The following GJC1 variants were observed in gnomAD, a reference collection of about 807,000 sequenced individuals.
GJC1 encodes gap junction protein gamma 1, also known as gap junction gamma-1 protein.
GJC1 carries 5 observed loss-of-function variants against 29.3 expected under a neutral mutation model. The ratio of observed to expected loss-of-function variants is 0.17; its 90% confidence interval spans 0.09 to 0.36. The LOEUF is 0.36. Ranked by LOEUF, GJC1 falls within the 10% of genes least tolerant of loss-of-function variation. The pLI, the probability that GJC1 is intolerant of heterozygous loss-of-function variation, is 1.00. For synonymous variants in GJC1, 177 were observed against 183.3 expected (o/e 0.97, Z 0.28); for missense variants, 310 against 496.2 (o/e 0.62, Z 3.56).
intron 1 of GJC1, among the ~76,000 whole-genome samples, chr17:44,818,341 T>G (rs73307255): frequency 0.13 from 20,270 of 152,186 alleles, 1,605 homozygotes; most frequent in South Asian, 0.23. Context: ...CAAGCTTTCT[T>G]GGTAGCTGGG....
At chr17:44,818,385 G>T (rs1409486444) in intron 1 of GJC1, among the ~76,000 whole-genome samples, 1 of 151,970 alleles carries the variant, frequency 6.6e-6, no homozygotes, top group Non-Finnish European at 1.5e-5. Context: ...TGACAAAAAT[G>T]ATTTATTTAT....
In GJC1 at chr17:44,806,405, T is replaced by G. The variant is rs201056768; in HGVS notation, c.-20-568A>C. ...CAGACCTTGGTTCTTCTGTTTGTTTTTTTTTTTTTTTTTTGAGACAGTTTC... is the reference window on the plus strand; with the variant it reads ...CAGACCTTGGTTCTTCTGTTTGTTTGTTTTTTTTTTTTTTGAGACAGTTTC... On this transcript the variant is annotated intron_variant, in intron 2 of 2. Transcript: ENST00000592524. Among the ~76,000 whole-genome samples the G allele has an allele frequency of 7.3e-4, 90 of 123,212 alleles. 1 individual carries two copies. Among genetic ancestry groups the G allele is most frequent in the Admixed American group, 1.7e-3 (22 of 12,978 alleles). The allele number at this position is 123,212 out of a possible 152,430, so 80.8% of individuals were successfully genotyped here. A position where few individuals can be genotyped will look rare whatever the true frequency, so the allele number is the denominator to read the frequency against.
Position 44,805,225 on chromosome 17 carries a change from A to G in GJC1, c.593T>C (p.Leu198Pro). The part of the protein sequence containing the change: ...EVGFLIGQYF[L>P]YGFQVHPFYV... ...AAACGGGTGGACTTGGAAGCCATAC[A>G]GAAAATACTGCCCTATCAGAAAACC... Residue 198 changes from leucine to proline, a missense_variant, in exon 3 of 3, where the codon CTG (leucine) becomes CCG (proline). Transcript: ENST00000592524. This position sits in a 1 kb window ranked among gnomAD's most constrained non-coding sequence, Gnocchi z 5.1. The G allele has an allele frequency of 6.2e-7, 1 of 1,614,210 alleles. No homozygotes were observed.
In GJC1 at chr17:44,828,136, G is replaced by C. The variant is rs138582334; in HGVS notation, c.-97+1926C>G. ...CACAACCCTGCATTCCTTCCCTTTG[G>C]CTGACTTATACAAATATAAGAATAA... On this transcript the variant is annotated intron_variant, in intron 1 of 2. Coordinates refer to ENST00000592524, the MANE Select transcript of GJC1 (RefSeq NM_005497.4). Among the ~76,000 whole-genome samples, 547 of 152,256 alleles carry C rather than the reference G, an allele frequency of 3.6e-3. 1 individual carries two copies. Among genetic ancestry groups the C allele is most frequent in the African/African-American group, 0.013 (532 of 41,548 alleles).
At chr17:44,827,271 T>C (rs565349636) in intron 1 of GJC1, among the ~76,000 whole-genome samples, 1 of 152,062 alleles carries the variant, frequency 6.6e-6, no homozygotes, top group South Asian at 2.1e-4. Flanking sequence ...GATAGCACCG[T>C]TGCAGTGAGA....
chr17:44,817,562 T>A (rs892216976), intron 1 of GJC1, among the ~76,000 whole-genome samples: 3 of 151,756 alleles, frequency 2.0e-5, no homozygotes, highest in African/African-American at 7.3e-5. Flanking sequence ...AATACAATAT[T>A]AGCCAGGCGT....
intron 1 of GJC1, among the ~76,000 whole-genome samples, chr17:44,817,216 C>G (rs2050053850): frequency 6.6e-6 from 1 of 151,590 alleles, no homozygotes; most frequent in African/African-American, 2.4e-5. Flanking sequence ...CAAAAAAAAC[C>G]CACAAAAAAC....
rs1406854145 is a variant in GJC1 at position 44,800,560 on chromosome 17, ACTGT to A, written c.*4063_*4066del. The A allele has an allele frequency of 1.3e-5, 2 of 152,216 alleles. No homozygotes were observed. Among genetic ancestry groups the A allele is most frequent in the African/African-American group, 4.8e-5 (2 of 41,462 alleles). The allele number at this position is 152,216 out of a possible 1,614,324, so 9.4% of individuals were successfully genotyped here. ...CTATCGATTTTATTTTCAGAAGTGG[ACTGT>A]CTCTTAAATGAGACAGCATAAAGTA... is the stretch of plus-strand genomic sequence containing the variant. On this transcript the variant is annotated 3_prime_UTR_variant, in exon 3 of 3. Coordinates refer to ENST00000592524, the MANE Select transcript of GJC1 (RefSeq NM_005497.4).
intron 1 of GJC1, among the ~76,000 whole-genome samples, chr17:44,819,830 A>C (rs1165892126): frequency 1.3e-5 from 2 of 152,040 alleles, no homozygotes; most frequent in African/African-American, 4.8e-5. Flanking sequence ...ACTGTGAATA[A>C]TGCTGTTATG....
At chr17:44,822,511 C>T (rs1019438402) in intron 1 of GJC1, among the ~76,000 whole-genome samples, 1 of 151,656 alleles carries the variant, frequency 6.6e-6, no homozygotes, top group African/African-American at 2.4e-5. Context: ...GGCGTGGTGG[C>T]AGGCGCCTGT....
At chr17:44,795,869 T>C (rs540658639), downstream of GJC1, among the ~76,000 whole-genome samples, 5 of 152,354 alleles carry the variant, frequency 3.3e-5, 1 homozygote, top group East Asian at 3.9e-4. Flanking sequence ...CTTGCCTTAA[T>C]GTACTGGAAG....
chr17:44,814,023 A>G (rs1240865076), intron 1 of GJC1, among the ~76,000 whole-genome samples: 1 of 152,218 alleles, frequency 6.6e-6, no homozygotes, highest in Admixed American at 6.5e-5. Flanking sequence ...AAGAAGTAGA[A>G]TGAGTAGAAG....
chr17:44,824,183 A>G (rs997917819), intron 1 of GJC1, among the ~76,000 whole-genome samples: 2 of 145,924 alleles, frequency 1.4e-5, no homozygotes, highest in East Asian at 4.1e-4. Context: ...AATTTTTTGT[A>G]TTTTAGTAGA....
upstream of GJC1, chr17:44,830,852 A>T (rs1323611387): frequency 2.5e-6 from 1 of 396,254 alleles, no homozygotes; most frequent in East Asian, 3.6e-5. The surrounding 1 kb of genome is among the most constrained non-coding windows in gnomAD (Gnocchi z 4.3). Context: ...TCGGATTAGC[A>T]AGACCCTAAT....
intron 1 of GJC1, among the ~76,000 whole-genome samples, chr17:44,823,032 C>T (rs1420345155): frequency 6.6e-6 from 1 of 151,690 alleles, no homozygotes; most frequent in Non-Finnish European, 1.5e-5. Flanking sequence ...TGAACGTTCC[C>T]AAAAGGAATG....
chr17:44,804,800 G>A lies in GJC1; in HGVS notation c.1018C>T (p.Arg340Trp), dbSNP rs767836844. The A allele has an allele frequency of 1.2e-6, 2 of 1,614,140 alleles. No individual in the cohort carries two copies. Among genetic ancestry groups the A allele is most frequent in the Non-Finnish European group, 8.5e-7 (1 of 1,180,018 alleles). ...CGTTCCTGAGCCATCCTGATCTCCCGCTGCAGAGCCTCCAGGTCAGCTGGG... is the reference window on the plus strand; with the variant it reads ...CGTTCCTGAGCCATCCTGATCTCCCACTGCAGAGCCTCCAGGTCAGCTGGG... Reference protein sequence around the residue: ...NLPADLEALQREIRMAQERLD... With the variant: ...NLPADLEALQWEIRMAQERLD... The change falls in exon 3 of 3, where the codon CGG (arginine) becomes TGG (tryptophan). Residue 340 changes from arginine (R) to tryptophan (W), a missense_variant. This residue lies in a region of GJC1 where 146 missense variants were observed against 165.0 expected (regional missense o/e 0.88). Transcript: ENST00000592524.
intron 2 of GJC1, among the ~76,000 whole-genome samples, chr17:44,806,507 C>T (rs185889846): frequency 4.1e-5 from 6 of 147,968 alleles, no homozygotes; most frequent in Admixed American, 7.0e-5. Flanking sequence ...TCAAGTGATT[C>T]TTGTGCCTCA....
At chr17:44,798,203 A>G (rs896700559), downstream of GJC1, among the ~76,000 whole-genome samples, 3 of 152,256 alleles carry the variant, frequency 2.0e-5, no homozygotes, top group African/African-American at 7.2e-5. Context: ...CAAATCAGCT[A>G]TGAAAAAAGG....
Position 44,804,746 on chromosome 17 carries a change from G to A in GJC1, c.1072C>T (p.His358Tyr). The A allele has an allele frequency of 6.2e-7, 1 of 1,614,182 alleles. No individual in the cohort carries two copies. The highest frequency in any genetic ancestry group is 8.5e-7 in the Non-Finnish European group (1 of 1,180,042). ...RLDLAVQAYS[H>Y]QNNPHGPREK... Reference sequence around the variant, plus strand: ...CGGGGACCATGAGGGTTGTTTTGGTGACTGTAGGCCTGAACTGCCAGATCC... The same window carrying A: ...CGGGGACCATGAGGGTTGTTTTGGTAACTGTAGGCCTGAACTGCCAGATCC... Residue 358 changes from histidine to tyrosine, a missense_variant, in exon 3 of 3, where the codon CAC (histidine) becomes TAC (tyrosine). By Grantham distance (83) the His-to-Tyr change is moderately conservative. This residue lies in a region of GJC1 where 146 missense variants were observed against 165.0 expected (regional missense o/e 0.88). Transcript: ENST00000592524.
Sources: allele counts gnomAD v4.1 joint callset (sites outside exome capture counted in the v4.1 genomes callset), GRCh38; gene constraint gnomAD v4.1.1; regional missense constraint gnomAD v4.1.1; non-coding constraint Gnocchi (gnomAD v3.1); transcripts MANE v1.5; gene names NCBI Gene and HGNC (gene_info 2026-07-23, HGNC 2026-07-21).